Variants in NYAP2 observed in about 807,000 individuals in gnomAD.
NYAP2 encodes neuronal tyrosine-phosphorylated phosphoinositide-3-kinase adapter 2.
NYAP2 carries 23 observed loss-of-function variants against 50.4 expected under a neutral mutation model. That is an observed-to-expected ratio of 0.46 (90% confidence interval 0.33 to 0.65). NYAP2 has a LOEUF of 0.65. NYAP2 is among the 30% of genes least tolerant of loss of function. The pLI, the probability that NYAP2 is intolerant of heterozygous loss-of-function variation, is 0.02. For synonymous variants in NYAP2, 394 were observed against 365.2 expected, an observed-to-expected ratio of 1.08 and a Z score of -0.90; for missense variants, 885 against 861.0, an observed-to-expected ratio of 1.03 and a Z score of -0.35.
chr2:225,477,906 C>G (rs1217162300), intron 3 of NYAP2, among the ~76,000 whole-genome samples: 1 of 151,838 alleles, frequency 6.6e-6, no homozygotes, highest in Non-Finnish European at 1.5e-5. Context: ...CTGCCATGGC[C>G]TAGTGGAGGA....
At chr2:225,437,821 C>T (rs1410010503) in intron 3 of NYAP2, among the ~76,000 whole-genome samples, 1 of 152,142 alleles carries the variant, frequency 6.6e-6, no homozygotes, top group Admixed American at 6.5e-5. Flanking sequence ...CAAACCTAGC[C>T]CCATCTGACT....
intron 6 of NYAP2, among the ~76,000 whole-genome samples, chr2:225,631,371 A>T (rs1042799957): frequency 1.3e-5 from 2 of 152,204 alleles, no homozygotes; most frequent in Non-Finnish European, 2.9e-5. Context: ...TAGAGCAGGA[A>T]ATTGTCTACT....
intron 4 of NYAP2, among the ~76,000 whole-genome samples, chr2:225,538,482 G>A (rs535430683): frequency 2.6e-4 from 40 of 152,324 alleles, no homozygotes; most frequent in Middle Eastern, 3.4e-3. Context: ...CATGGACTGA[G>A]CTCTATGTTG....
intron 3 of NYAP2, among the ~76,000 whole-genome samples, chr2:225,489,583 C>T (rs1037259031): frequency 1.3e-5 from 2 of 152,120 alleles, no homozygotes; most frequent in South Asian, 2.1e-4. Context: ...TACTAAAAGT[C>T]TAATAATTTA....
At chr2:225,511,642 A>T (rs1475826924) in intron 3 of NYAP2, among the ~76,000 whole-genome samples, 1 of 152,198 alleles carries the variant, frequency 6.6e-6, no homozygotes, top group East Asian at 1.9e-4. Context: ...CATTGGTGTT[A>T]AAGGTCAGAA....
At position 225,582,771 on chromosome 2, in the gene NYAP2, A is replaced by C. The variant is rs1254072095; in HGVS notation, c.1354A>C (p.Lys452Gln). The C allele has an allele frequency of 6.2e-7, 1 of 1,613,350 alleles. No homozygotes were observed. The highest frequency in any genetic ancestry group is 8.5e-7 in the Non-Finnish European group (1 of 1,179,750). ...GAGGTCCCTGACTCCCCTGAGCCTC[A>C]AAAGGCCTCCCCCTTACGACGCTGT... Residue 452 changes from lysine to glutamine, a missense_variant, in exon 5 of 7, where the codon AAA becomes CAA. Transcript: ENST00000636099. The surrounding 1 kb of genome is among the most constrained non-coding windows in gnomAD (Gnocchi z 7.0).
intron 4 of NYAP2, among the ~76,000 whole-genome samples, chr2:225,524,884 T>C (rs1691125842): frequency 6.6e-6 from 1 of 151,638 alleles, no homozygotes; most frequent in Non-Finnish European, 1.5e-5. Flanking sequence ...CTCAAACAAC[T>C]AAAGGAAAAA....
rs115922310 is a variant in NYAP2, at chr2:225,427,263, T to C, written c.221+18162T>C. Among the ~76,000 whole-genome samples, 1,361 of 152,268 alleles carry C rather than the reference T, an allele frequency of 8.9e-3. 22 individuals carry two copies. The highest frequency in any genetic ancestry group is 0.031 in the African/African-American group (1,274 of 41,528). Reference sequence around the variant, plus strand: ...CACCCTCCAGAATTTAACATCCCAGTGATTGTCCACAAAAGGGACAATTTT... The same window carrying C: ...CACCCTCCAGAATTTAACATCCCAGCGATTGTCCACAAAAGGGACAATTTT... On this transcript the variant is annotated intron_variant, in intron 3 of 6. Transcript: ENST00000636099.
At chr2:225,670,378 T>C in the NYAP2 span, among the ~76,000 whole-genome samples, 1 of 152,104 alleles carries the variant, frequency 6.6e-6, no homozygotes, top group Non-Finnish European at 1.5e-5. Context: ...AAAACCACAG[T>C]AAATTTCCAT....
intron 4 of NYAP2, among the ~76,000 whole-genome samples, chr2:225,530,287 C>A (rs1691231202): frequency 6.6e-6 from 1 of 152,124 alleles, no homozygotes; most frequent in African/African-American, 2.4e-5. Flanking sequence ...CACCGTCCTG[C>A]ATCCCTCCCT....
chr2:225,482,488 T>A (rs1478915273), intron 3 of NYAP2, among the ~76,000 whole-genome samples: 2 of 152,158 alleles, frequency 1.3e-5, no homozygotes, highest in African/African-American at 4.8e-5. Flanking sequence ...ATGCCAGCAA[T>A]GTTTAAAGGA....
the NYAP2 span, among the ~76,000 whole-genome samples, chr2:225,671,592 A>C: frequency 6.6e-6 from 1 of 152,160 alleles, no homozygotes; most frequent in Non-Finnish European, 1.5e-5. Flanking sequence ...GTTCATGTTG[A>C]TATTTCAAAC....
At chr2:225,649,695 T>C (rs2106271451) in intron 6 of NYAP2, among the ~76,000 whole-genome samples, 1 of 152,344 alleles carries the variant, frequency 6.6e-6, no homozygotes, top group Non-Finnish European at 1.5e-5. Context: ...AATGTCTATG[T>C]TTAGTGCATA....
intron 6 of NYAP2, among the ~76,000 whole-genome samples, chr2:225,643,249 T>C (rs1365809015): frequency 1.3e-5 from 2 of 152,092 alleles, no homozygotes; most frequent in Non-Finnish European, 2.9e-5. Flanking sequence ...GATTTTGCCA[T>C]AGAGATTTTT....
chr2:225,398,048 C>T (rs548819550), upstream of NYAP2, among the ~76,000 whole-genome samples: 6 of 151,910 alleles, frequency 3.9e-5, no homozygotes, highest in South Asian at 2.1e-4. Flanking sequence ...ATAAAGATTC[C>T]TTTTACTTTT....
intron 6 of NYAP2, among the ~76,000 whole-genome samples, chr2:225,635,688 A>T (rs545482569): frequency 1.3e-5 from 2 of 152,284 alleles, no homozygotes; most frequent in East Asian, 1.9e-4. Context: ...TTCAACAAAG[A>T]TTTGTGGCCA....
chr2:225,521,631 A>G (rs1361926171), intron 4 of NYAP2, among the ~76,000 whole-genome samples: 2 of 151,626 alleles, frequency 1.3e-5, no homozygotes, highest in Middle Eastern at 6.3e-3. Flanking sequence ...AGCCCACTTG[A>G]TCATGGTGGA....
At chr2:225,619,494 G>A (rs1206278749) in intron 5 of NYAP2, among the ~76,000 whole-genome samples, 1 of 152,210 alleles carries the variant, frequency 6.6e-6, no homozygotes, top group Non-Finnish European at 1.5e-5. Flanking sequence ...GTGAATCAAT[G>A]TTGATGAGGA....
At chr2:225,447,463 A>G (rs1311929615) in intron 3 of NYAP2, among the ~76,000 whole-genome samples, 2 of 152,194 alleles carry the variant, frequency 1.3e-5, no homozygotes, top group African/African-American at 4.8e-5. Context: ...AGATGGAGAG[A>G]GTTCTACATT....
Sources: gnomAD v4.1 joint callset for allele counts (sites outside exome capture counted in the v4.1 genomes callset) on GRCh38, gnomAD v4.1.1 for gene constraint, Gnocchi (gnomAD v3.1) non-coding constraint, MANE v1.5 for transcripts, NCBI Gene and HGNC (gene_info 2026-07-23, HGNC 2026-07-21) for gene names.